LAMA2: variants seen among roughly 807,000 people sequenced by gnomAD.
The protein encoded by LAMA2 is laminin subunit alpha-2.
Under a neutral mutation model 364.8 loss-of-function variants are expected in LAMA2, and 269 were observed. The observed-to-expected ratio is 0.74, with a 90% confidence interval of 0.67 to 0.82. The LOEUF is 0.82. Among genes scored for constraint, LAMA2 ranks in the 40% least tolerant of loss-of-function variants. The pLI, the probability that LAMA2 is intolerant of heterozygous loss-of-function variation, is 0.00. For missense variants in LAMA2, 3,807 were observed against 3,873.2 expected (o/e 0.98, Z 0.45); for synonymous variants, 1,379 against 1,370.6 (o/e 1.01, Z -0.14).
rs749595432 is a variant in LAMA2 at position 129,267,091 on chromosome 6, T to C, written c.2209-15T>C. 7 of 1,531,448 alleles carry C rather than the reference T, an allele frequency of 4.6e-6. No homozygotes were observed. In the East Asian group the frequency reaches 1.6e-4, roughly 34 times the overall value. 94.9% of individuals were successfully genotyped at this position (1,531,448 alleles called of 1,614,324 possible). ...TTAATCTCCAAGACTGACTAAAGCC[T>C]TATCTTTCTCTCAGTCTTGTTGGCC... On this transcript the variant is annotated splice_polypyrimidine_tract_variant and intron_variant, in intron 15 of 64. Transcript: ENST00000421865.
intron 1 of LAMA2, among the ~76,000 whole-genome samples, chr6:129,012,142 A>C (rs2114697019): frequency 6.6e-6 from 1 of 152,252 alleles, no homozygotes; most frequent in Admixed American, 6.5e-5. Context: ...TGTAGTTTAA[A>C]ACTTGGCTAT....
At chr6:129,116,901 T>C (rs1776513807) in intron 4 of LAMA2, among the ~76,000 whole-genome samples, 1 of 151,872 alleles carries the variant, frequency 6.6e-6, no homozygotes, top group Non-Finnish European at 1.5e-5. Context: ...GTTAAAGAAG[T>C]GTACTTTTTT....
At chr6:128,964,944 G>T (rs1781743316) in intron 1 of LAMA2, among the ~76,000 whole-genome samples, 1 of 151,846 alleles carries the variant, frequency 6.6e-6, no homozygotes, top group Non-Finnish European at 1.5e-5. Context: ...CAGTTCTGTG[G>T]CAAGAACAAT....
At chr6:129,386,706 A>G (rs1779037228) in intron 35 of LAMA2, among the ~76,000 whole-genome samples, 1 of 152,212 alleles carries the variant, frequency 6.6e-6, no homozygotes, top group Non-Finnish European at 1.5e-5. Context: ...TTAATGGGCC[A>G]TGTGTAATTT....
chr6:129,270,879 G>A lies in LAMA2; in HGVS notation c.2450+128G>A, dbSNP rs1382312946. ...TAAACACAGACATGAATTTTTTCAG[G>A]AAAATTATATGAATTTTTTCAAACC... is the stretch of plus-strand genomic sequence containing the variant. On this transcript the variant is annotated intron_variant, in intron 17 of 64. Transcript: ENST00000421865. 4 of 1,029,372 alleles carry A rather than the reference G, an allele frequency of 3.9e-6. No individual in the cohort carries two copies. In the East Asian group the frequency reaches 1.0e-4, roughly 27 times the overall value. The allele number at this position is 1,029,372 out of a possible 1,614,324, so 63.8% of individuals were successfully genotyped here.
At chr6:129,016,357 C>T (rs1785073651) in intron 1 of LAMA2, among the ~76,000 whole-genome samples, 1 of 151,900 alleles carries the variant, frequency 6.6e-6, no homozygotes, top group Non-Finnish European at 1.5e-5. Flanking sequence ...GAAATAGGTG[C>T]ACATGTGTAC....
intron 8 of LAMA2, chr6:129,158,422 T>C (rs1779254660): frequency 1.2e-6 from 2 of 1,613,992 alleles, no homozygotes; most frequent in East Asian, 2.2e-5. Context: ...ACCATCTGAA[T>C]CTGTTTGGCA....
chr6:129,353,386 TGGA>T, intron 32 of LAMA2, 29 bp downstream of exon 32: 1 of 1,579,874 alleles, frequency 6.3e-7, no homozygotes, highest in South Asian at 1.1e-5. Context: ...CTGTTAGTTT[TGGA>T]GGCCTTGATT....
intron 1 of LAMA2, among the ~76,000 whole-genome samples, chr6:128,972,724 C>A (rs1782262558): frequency 1.3e-5 from 2 of 151,474 alleles, no homozygotes; most frequent in African/African-American, 2.4e-5. Flanking sequence ...AAAATACATG[C>A]CAGATTAAAA....
chr6:129,303,692 G>T (rs1583452653), intron 22 of LAMA2, among the ~76,000 whole-genome samples: 1 of 152,226 alleles, frequency 6.6e-6, no homozygotes, highest in Non-Finnish European at 1.5e-5. Context: ...TTTTTAAGCT[G>T]TTAATATGAC....
At chr6:129,320,801 G>A (rs1774918383) in intron 28 of LAMA2, 146 bp downstream of exon 28, 8 of 687,638 alleles carry the variant, frequency 1.2e-5, no homozygotes. Context: ...GTGGCAAGAG[G>A]ATAATGTTAT....
intron 3 of LAMA2, among the ~76,000 whole-genome samples, chr6:129,084,806 C>T (rs925908485): frequency 7.9e-5 from 12 of 152,186 alleles, no homozygotes; most frequent in Admixed American, 7.9e-4. Flanking sequence ...TGGCTGCAAT[C>T]ATTTTACAAC....
At chr6:129,229,861 A>AT (rs751564334) in intron 12 of LAMA2, among the ~76,000 whole-genome samples, 34 of 152,266 alleles carry the variant, frequency 2.2e-4, no homozygotes, top group South Asian at 2.1e-4. Flanking sequence ...GTAAAAACAA[A>AT]TTTTTTACAG....
At chr6:128,913,729 T>C (rs1160763597) in intron 1 of LAMA2, among the ~76,000 whole-genome samples, 1 of 152,184 alleles carries the variant, frequency 6.6e-6, no homozygotes, top group Non-Finnish European at 1.5e-5. Flanking sequence ...CAATAAAATA[T>C]AGTCAAAATA....
At chr6:129,076,382 T>C (rs889271464) in intron 3 of LAMA2, among the ~76,000 whole-genome samples, 10 of 146,612 alleles carry the variant, frequency 6.8e-5, no homozygotes, top group Non-Finnish European at 7.5e-5. Flanking sequence ...TACCTAAACA[T>C]AGGGGGAAAA....
chr6:128,985,935 TTTTCAC>T (rs558076796), intron 1 of LAMA2, among the ~76,000 whole-genome samples: 83 of 152,286 alleles, frequency 5.5e-4, no homozygotes, highest in Non-Finnish European at 1.0e-3. Flanking sequence ...AAAGAAAAGC[TTTTCAC>T]CATTGACTCT....
At chr6:129,261,555 T>C (rs1787136382) in intron 15 of LAMA2, among the ~76,000 whole-genome samples, 1 of 152,186 alleles carries the variant, frequency 6.6e-6, no homozygotes, top group South Asian at 2.1e-4. Context: ...CACTATTTCC[T>C]TGACAGAGCG....
Position 129,439,848 on chromosome 6 carries a change from ATC to A in LAMA2, c.6086-966_6086-965del, listed in dbSNP as rs1250441341. On this transcript the variant is annotated intron_variant, in intron 42 of 64. Coordinates refer to ENST00000421865, the MANE Select transcript of LAMA2 (RefSeq NM_000426.4). ...GTCATATATATATATATATATATAT[ATC>A]TATCTCAATTGGTTATATAGATAAC... 2.4e-3 allele frequency among the ~76,000 whole-genome samples: 290 copies of A among 122,742 alleles called. 4 individuals are homozygous for A. Among genetic ancestry groups the A allele is most frequent in the African/African-American group, 8.0e-3 (247 of 30,760 alleles). 80.5% of individuals were successfully genotyped at this position (122,742 alleles called of 152,430 possible).
chr6:129,135,616 C>T (rs1467306597), intron 4 of LAMA2, among the ~76,000 whole-genome samples: 1 of 152,188 alleles, frequency 6.6e-6, no homozygotes, highest in Non-Finnish European at 1.5e-5. Context: ...ATTTTATCCT[C>T]TTATGATATC....
Sources: allele counts gnomAD v4.1 joint callset (sites outside exome capture counted in the v4.1 genomes callset), GRCh38; gene constraint gnomAD v4.1.1; transcripts MANE v1.5; gene names NCBI Gene and HGNC (gene_info 2026-07-23, HGNC 2026-07-21).